The following AGBL4 variants were observed in gnomAD, a reference collection of about 807,000 sequenced individuals.
AGBL4 encodes the protein AGBL carboxypeptidase 4.
In AGBL4, 58 loss-of-function variants were observed where a neutral mutation model predicts 66.4. The observed-to-expected ratio is 0.87, with a 90% CI of 0.71 to 1.09. The LOEUF is 1.09. Among genes scored for constraint, AGBL4 ranks in the 50% least tolerant of loss-of-function variants. AGBL4 has a pLI of 0.00. For missense variants in AGBL4, 579 were observed against 631.0 expected, an observed-to-expected ratio of 0.92 and a Z score of 0.88; for synonymous variants, 234 against 222.9, an observed-to-expected ratio of 1.05 and a Z score of -0.44.
intron 9 of AGBL4, among the ~76,000 whole-genome samples, chr1:48,624,368 A>C (rs1645464289): frequency 6.6e-6 from 1 of 152,230 alleles, no homozygotes; most frequent in Admixed American, 6.5e-5. Flanking sequence ...AGATTTCCCT[A>C]AACACCCATT....
At chr1:49,253,942 A>G (rs1652273273) in intron 3 of AGBL4, among the ~76,000 whole-genome samples, 1 of 152,212 alleles carries the variant, frequency 6.6e-6, no homozygotes, top group Non-Finnish European at 1.5e-5. Context: ...AGATGCAGAA[A>G]AGGCTTTTGA....
intron 3 of AGBL4, among the ~76,000 whole-genome samples, chr1:49,509,597 AT>A (rs1365848422): frequency 6.6e-6 from 1 of 152,006 alleles, no homozygotes; most frequent in African/African-American, 2.4e-5. Context: ...TGCATTTTGA[AT>A]TAAAAACCAA....
intron 6 of AGBL4, among the ~76,000 whole-genome samples, chr1:48,733,974 A>G (rs1318618550): frequency 2.0e-5 from 3 of 152,172 alleles, no homozygotes; most frequent in African/African-American, 7.2e-5. Flanking sequence ...ATAGACAGTT[A>G]TCTGAAGGCA....
At chr1:49,484,867 T>C (rs1216105823) in intron 3 of AGBL4, among the ~76,000 whole-genome samples, 1 of 151,898 alleles carries the variant, frequency 6.6e-6, no homozygotes, top group Non-Finnish European at 1.5e-5. Flanking sequence ...AATTCATAAA[T>C]ATATATATAC....
chr1:48,744,465 G>GT (rs1453542293), intron 6 of AGBL4, among the ~76,000 whole-genome samples: 1 of 152,140 alleles, frequency 6.6e-6, no homozygotes, highest in Non-Finnish European at 1.5e-5. Flanking sequence ...CTGAGTTGGC[G>GT]TGTGAAGTCT....
At chr1:49,138,976 T>G (rs1318869128) in intron 4 of AGBL4, among the ~76,000 whole-genome samples, 1 of 151,908 alleles carries the variant, frequency 6.6e-6, no homozygotes, top group Non-Finnish European at 1.5e-5. Context: ...CTTACAATGA[T>G]GGCAAAAAAG....
chr1:49,968,391 A>G (rs561067534), intron 1 of AGBL4, among the ~76,000 whole-genome samples: 14 of 152,130 alleles, frequency 9.2e-5, no homozygotes, highest in Admixed American at 7.9e-4. Flanking sequence ...GGGCAGTGAC[A>G]TGTTTTCAAA....
intron 3 of AGBL4, among the ~76,000 whole-genome samples, chr1:49,249,546 T>C (rs944003615): frequency 1.3e-4 from 20 of 152,144 alleles, no homozygotes; most frequent in African/African-American, 4.8e-4. Flanking sequence ...TTAGAATGGC[T>C]ATTATCAAAA....
In AGBL4 at chr1:48,576,692, C is replaced by T. The variant is rs755636000; in HGVS notation, c.1267+10312G>A. Among the ~76,000 whole-genome samples, 33 of 152,234 alleles carry T rather than the reference C, an allele frequency of 2.2e-4. 1 individual carries two copies. Among genetic ancestry groups the T allele is most frequent in the Middle Eastern group, 3.4e-3 (1 of 294 alleles). ...TGTGCACCATTTTATCAATATTCGA[C>T]ATAGAGTAGGGGCCAGAAATGAACA... On this transcript the variant is annotated intron_variant, in intron 11 of 13. Transcript: ENST00000371839.
intron 1 of AGBL4, among the ~76,000 whole-genome samples, chr1:49,878,557 G>C (rs942255967): frequency 1.4e-4 from 21 of 152,066 alleles, no homozygotes; most frequent in African/African-American, 5.1e-4. Flanking sequence ...TTTTACATTT[G>C]CTGAGGAGTG....
chr1:49,434,687 GTGGTGGTGGTGGTGGTGGTGC>G (rs1645862402), intron 3 of AGBL4, among the ~76,000 whole-genome samples: 1 of 149,622 alleles, frequency 6.7e-6, no homozygotes, highest in South Asian at 2.1e-4. Flanking sequence ...GGTGGTAGTG[GTGGTGGTGGTGGTGGTGGTGC>G]TGGTGGTGGT....
intron 6 of AGBL4, among the ~76,000 whole-genome samples, chr1:48,686,765 C>T (rs759933709): frequency 1.6e-4 from 24 of 152,286 alleles, no homozygotes; most frequent in East Asian, 1.5e-3. Flanking sequence ...GGTGAAGTCA[C>T]GTCCTCGCTC....
chr1:49,688,117 A>T (rs1646820357), intron 3 of AGBL4, among the ~76,000 whole-genome samples: 1 of 152,298 alleles, frequency 6.6e-6, no homozygotes, highest in Middle Eastern at 3.4e-3. Flanking sequence ...TTAAATTATT[A>T]TTGACTATAG....
intron 5 of AGBL4, among the ~76,000 whole-genome samples, chr1:48,978,075 A>T (rs1487759157): frequency 6.6e-6 from 1 of 152,188 alleles, no homozygotes; most frequent in Non-Finnish European, 1.5e-5. Flanking sequence ...TACTCTTTTG[A>T]GGAGATGGTG....
intron 3 of AGBL4, among the ~76,000 whole-genome samples, chr1:49,373,373 T>C (rs1644406407): frequency 6.6e-6 from 1 of 152,180 alleles, no homozygotes; most frequent in Admixed American, 6.6e-5. Flanking sequence ...ATGCCTGCGA[T>C]AATTCAGGCA....
At chr1:49,118,528 C>G (rs1645581033) in intron 4 of AGBL4, among the ~76,000 whole-genome samples, 1 of 152,132 alleles carries the variant, frequency 6.6e-6, no homozygotes, top group African/African-American at 2.4e-5. Context: ...TGAACTGGCC[C>G]TGCATCCCAG....
chr1:48,770,917 A>G (rs1458202293), intron 6 of AGBL4, among the ~76,000 whole-genome samples: 2 of 152,182 alleles, frequency 1.3e-5, no homozygotes, highest in Non-Finnish European at 2.9e-5. Context: ...TTTATCCACA[A>G]GTCCAGTCCA....
intron 1 of AGBL4, among the ~76,000 whole-genome samples, chr1:49,859,899 A>C (rs1222229189): frequency 6.6e-6 from 1 of 152,176 alleles, no homozygotes; most frequent in Non-Finnish European, 1.5e-5. Flanking sequence ...ATTAAAGGAC[A>C]AAAAGTCAAT....
chr1:49,980,120 A>G (rs147702770), intron 1 of AGBL4, among the ~76,000 whole-genome samples: 3 of 152,178 alleles, frequency 2.0e-5, no homozygotes, highest in Non-Finnish European at 2.9e-5. Context: ...TCTAGTCAAC[A>G]GTAGGCTATG....
Sources: allele counts gnomAD v4.1 joint callset (sites outside exome capture counted in the v4.1 genomes callset), GRCh38; gene constraint gnomAD v4.1.1; transcripts MANE v1.5; gene names NCBI Gene and HGNC (gene_info 2026-07-23, HGNC 2026-07-21).